The following CAMSAP1 variants were observed in gnomAD, a reference collection of about 807,000 sequenced individuals.
The protein encoded by CAMSAP1 is calmodulin regulated spectrin associated protein 1, also known as calmodulin-regulated spectrin-associated protein 1.
Under a neutral mutation model 143.5 loss-of-function variants are expected in CAMSAP1, and 58 were observed. That is an observed-to-expected ratio of 0.40 (90% CI 0.33 to 0.50). The LOEUF is 0.50. Among genes scored for constraint, CAMSAP1 ranks in the 20% least tolerant of loss-of-function variants. The pLI is 0.45. For synonymous variants in CAMSAP1, 945 were observed against 859.3 expected (o/e 1.10, Z -1.74); for missense variants, 1,969 against 2,115.7 (o/e 0.93, Z 1.36).
chr9:135,901,589 T>C (rs959236058), intron 1 of CAMSAP1, among the ~76,000 whole-genome samples: 1 of 152,124 alleles, frequency 6.6e-6, no homozygotes, highest in African/African-American at 2.4e-5. Flanking sequence ...TACTCCAGCC[T>C]GGGCAACAGA....
At position 135,820,788 on chromosome 9, in the gene CAMSAP1, G is replaced by C. The variant is rs1051305586; in HGVS notation, c.3822+51C>G. ...TGTGTTCTCTAACTCACTATCACGTGGGGTGGCAACACATCACGAGTGCCT... is the reference window on the plus strand; with the variant it reads ...TGTGTTCTCTAACTCACTATCACGTCGGGTGGCAACACATCACGAGTGCCT... On this transcript the variant is annotated intron_variant, in intron 11 of 16. Coordinates refer to ENST00000389532, the MANE Select transcript of CAMSAP1 (RefSeq NM_015447.4). This position sits in a 1 kb window ranked among gnomAD's most constrained non-coding sequence, Gnocchi z 4.4. The C allele has an allele frequency of 1.7e-5, 27 of 1,587,172 alleles. No individual in the cohort carries two copies. Among genetic ancestry groups the C allele is most frequent in the Admixed American group, 1.0e-4 (6 of 57,968 alleles).
chr9:135,870,199 G>A (rs1228856430), intron 3 of CAMSAP1, among the ~76,000 whole-genome samples: 2 of 152,162 alleles, frequency 1.3e-5, no homozygotes, highest in African/African-American at 4.8e-5. Context: ...GGGACGAGGT[G>A]GGAGGTGACT....
intron 1 of CAMSAP1, among the ~76,000 whole-genome samples, chr9:135,901,735 G>C (rs1484514069): frequency 6.6e-6 from 1 of 152,024 alleles, no homozygotes; most frequent in Admixed American, 6.6e-5. Flanking sequence ...CATCTTCCCA[G>C]GCTCGCTCTC....
In CAMSAP1 at chr9:135,822,099, C is replaced by G. The variant is rs754958088; in HGVS notation, c.2562G>C (p.Thr854=). ...ASESCPAPLT[T]WRQKREQSPS... is the part of the protein sequence containing the mutation. The stretch of plus-strand genomic sequence containing the variant: ...GACTCTGCTCCCTCTTCTGCCTCCA[C>G]GTCGTCAGAGGGGCTGGGCAGCTCT... Residue 854 remains threonine (T), a synonymous_variant, in exon 11 of 17, where the codon ACG becomes ACC. Coordinates refer to ENST00000389532, the MANE Select transcript of CAMSAP1 (RefSeq NM_015447.4). This position sits in a 1 kb window ranked among gnomAD's most constrained non-coding sequence, Gnocchi z 6.1. The G allele has an allele frequency of 6.2e-7, 1 of 1,613,002 alleles. No individual in the cohort carries two copies. The highest frequency in any genetic ancestry group is 8.5e-7 in the Non-Finnish European group (1 of 1,179,748).
In CAMSAP1 at chr9:135,810,981, A is replaced by G. The variant is rs1835027222; in HGVS notation, c.*328T>C. ...GCTGAAGGAGAACTTCAAGTAAGGG[A>G]GCTCCGTGGCCCGGGACCTGGCTGT... is the stretch of plus-strand genomic sequence containing the variant. On this transcript the variant is annotated 3_prime_UTR_variant, in exon 17 of 17. Coordinates refer to ENST00000389532, the MANE Select transcript of CAMSAP1 (RefSeq NM_015447.4). The G allele has an allele frequency of 8.4e-6, 3 of 357,314 alleles. No homozygotes were observed. In the South Asian group the frequency reaches 1.0e-4, roughly 12 times the overall value. The allele number at this position is 357,314 out of a possible 1,614,324, so 22.1% of individuals were successfully genotyped here. A position where few individuals can be genotyped will look rare whatever the true frequency, so the allele number is the denominator to read the frequency against.
At chr9:135,891,338 G>A (rs1458204233) in intron 1 of CAMSAP1, among the ~76,000 whole-genome samples, 4 of 152,194 alleles carry the variant, frequency 2.6e-5, no homozygotes, top group Non-Finnish European at 4.4e-5. Context: ...AAGGTTCCTC[G>A]GAGCCAGAAA....
chr9:135,838,066 A>C (rs903513895), intron 7 of CAMSAP1, among the ~76,000 whole-genome samples: 144 of 142,356 alleles, frequency 1.0e-3, no homozygotes, highest in African/African-American at 3.7e-3. Flanking sequence ...CGCACTTTCC[A>C]CCCATTCTAC....
intron 7 of CAMSAP1, among the ~76,000 whole-genome samples, chr9:135,842,403 G>C (rs1161700940): frequency 6.6e-6 from 1 of 152,176 alleles, no homozygotes; most frequent in Non-Finnish European, 1.5e-5. Context: ...GGGGAGAATG[G>C]AACCAAGTTG....
Position 135,822,592 on chromosome 9 carries a change from G to C in CAMSAP1, c.2069C>G (p.Pro690Arg). Residue 690 changes from proline (P) to arginine (R), a missense_variant, in exon 11 of 17, where the codon CCG becomes CGG. By Grantham distance (103) the Pro-to-Arg change is moderately radical. This residue lies in a region of CAMSAP1 where 1,390 missense variants were observed against 1,420.8 expected (regional missense o/e 0.98). Transcript: ENST00000389532. This position sits in a 1 kb window ranked among gnomAD's most constrained non-coding sequence, Gnocchi z 6.1. Reference sequence around the variant, plus strand: ...ATCCGTGGATGGTCCCTGGGGGAACGGATCGAATCCGCCAAGGGCCAGAGG... The same window carrying C: ...ATCCGTGGATGGTCCCTGGGGGAACCGATCGAATCCGCCAAGGGCCAGAGG... ...GGPLALGGFD[P>R]FPQGPSTDGF... 1 of 1,613,352 alleles carries C rather than the reference G, an allele frequency of 6.2e-7. No individual in the cohort carries two copies. The highest frequency in any genetic ancestry group is 8.5e-7 in the Non-Finnish European group (1 of 1,179,762).
intron 1 of CAMSAP1, among the ~76,000 whole-genome samples, chr9:135,893,827 G>C (rs541381129): frequency 3.0e-4 from 46 of 152,174 alleles, no homozygotes; most frequent in Non-Finnish European, 6.2e-4. Context: ...TTCTGGCCAG[G>C]ACAAAATGGC....
At position 135,826,219 on chromosome 9, in the gene CAMSAP1, TCAA is replaced by T. The variant is rs1323923175; in HGVS notation, c.1223+1185_1223+1187del. The T allele has an allele frequency of 3.3e-5, 5 of 151,974 alleles. No individual in the cohort carries two copies. The highest frequency in any genetic ancestry group is 3.4e-3 in the Middle Eastern group (1 of 296). 9.4% of individuals were successfully genotyped at this position (151,974 alleles called of 1,614,324 possible). ...GCACACACACACACACACACACGGCTCAACAACAGACACGCAAAGACCGAAGGG... is the reference window on the plus strand; with the variant it reads ...GCACACACACACACACACACACGGCTCAACAGACACGCAAAGACCGAAGGG... On this transcript the variant is annotated intron_variant, in intron 8 of 16. Transcript: ENST00000389532. This position sits in a 1 kb window ranked among gnomAD's most constrained non-coding sequence, Gnocchi z 4.4.
At chr9:135,828,968 G>A (rs1245435572) in intron 7 of CAMSAP1, among the ~76,000 whole-genome samples, 1 of 152,160 alleles carries the variant, frequency 6.6e-6, no homozygotes, top group Non-Finnish European at 1.5e-5. Context: ...CAATACTTCA[G>A]AAACACAGAG....
chr9:135,906,521 A>T (rs1838781484), intron 1 of CAMSAP1, among the ~76,000 whole-genome samples: 1 of 152,262 alleles, frequency 6.6e-6, no homozygotes, highest in African/African-American at 2.4e-5. Flanking sequence ...TGCGCGGAAT[A>T]CGCAATTTCT....
intron 7 of CAMSAP1, among the ~76,000 whole-genome samples, chr9:135,832,509 G>A (rs1433816325): frequency 6.6e-6 from 1 of 152,170 alleles, no homozygotes; most frequent in Non-Finnish European, 1.5e-5. Context: ...TCTGGAACAA[G>A]ACAAGGATGC....
At chr9:135,833,850 A>C (rs1835930651) in intron 7 of CAMSAP1, among the ~76,000 whole-genome samples, 1 of 152,256 alleles carries the variant, frequency 6.6e-6, no homozygotes, top group South Asian at 2.1e-4. Context: ...CTGCAAAGCA[A>C]AGGAAACAAA....
At chr9:135,856,991 T>C (rs962666029) in intron 5 of CAMSAP1, among the ~76,000 whole-genome samples, 1 of 152,200 alleles carries the variant, frequency 6.6e-6, no homozygotes, top group East Asian at 1.9e-4. Flanking sequence ...CCCAGTCATC[T>C]TCCTTCCAGG....
chr9:135,819,128 C>A lies in CAMSAP1; in HGVS notation c.3841G>T (p.Asp1281Tyr). Residue 1281 changes from aspartate (D) to tyrosine (Y), a missense_variant, in exon 12 of 17, where the codon GAT becomes TAT. Coordinates refer to ENST00000389532, the MANE Select transcript of CAMSAP1 (RefSeq NM_015447.4). ...FFFKDEQKAE[D>Y]ELAKKRAAFL... Reference sequence around the variant, plus strand: ...GCCGCCCGCTTCTTGGCGAGCTCATCTTCCGCTTTCTGTTCATCCTGCAAG... The same window carrying A: ...GCCGCCCGCTTCTTGGCGAGCTCATATTCCGCTTTCTGTTCATCCTGCAAG... 1.2e-6 allele frequency: 2 copies of A among 1,601,562 alleles called. No homozygotes were observed. The highest frequency in any genetic ancestry group is 1.7e-6 in the Non-Finnish European group (2 of 1,175,432).
chr9:135,818,286 TA>T lies in CAMSAP1; in HGVS notation c.4168+121del. On this transcript the variant is annotated intron_variant, in intron 13 of 16. Coordinates refer to ENST00000389532, the MANE Select transcript of CAMSAP1 (RefSeq NM_015447.4). The surrounding 1 kb of genome is among the most constrained non-coding windows in gnomAD (Gnocchi z 7.7). ...AACATTGTCATCCATGAAACGGGGA[TA>T]ATCATCTCCACCCTTCCCGCCTCAC... 8.5e-7 allele frequency: 1 copy of T among 1,174,462 alleles called. No homozygotes were observed. Among genetic ancestry groups the T allele is most frequent in the Non-Finnish European group, 1.2e-6 (1 of 844,484 alleles). The allele number at this position is 1,174,462 out of a possible 1,614,324, so 72.8% of individuals were successfully genotyped here.
At position 135,829,516 on chromosome 9, in the gene CAMSAP1, T is replaced by C. The variant is rs529110491; in HGVS notation, c.1046-1932A>G. ...CAGCCTGGACAACAGAGCAAGACCT[T>C]GTCTCAAAGAAGAAAAAAAGGTAAA... On this transcript the variant is annotated intron_variant, in intron 7 of 16. Transcript: ENST00000389532. Among the ~76,000 whole-genome samples, 11 of 150,958 alleles carry C rather than the reference T, an allele frequency of 7.3e-5. No individual in the cohort carries two copies. The East Asian group carries it at 2.2e-3, about 30-fold the overall frequency.
Sources: allele counts gnomAD v4.1 joint callset (sites outside exome capture counted in the v4.1 genomes callset), GRCh38; gene constraint gnomAD v4.1.1; regional missense constraint gnomAD v4.1.1; non-coding constraint Gnocchi (gnomAD v3.1); transcripts MANE v1.5; gene names NCBI Gene and HGNC (gene_info 2026-07-23, HGNC 2026-07-21).